The following RIOK1 variants were observed in gnomAD, a reference collection of about 807,000 sequenced individuals.
The protein encoded by RIOK1 is serine/threonine-protein kinase RIO1.
RIOK1 carries 66 observed loss-of-function variants against 73.5 expected under a neutral mutation model. The ratio of observed to expected loss-of-function variants is 0.90; its 90% confidence interval spans 0.74 to 1.10. RIOK1 has a LOEUF of 1.10. Among genes scored for constraint, RIOK1 ranks in the 50% least tolerant of loss-of-function variants. The pLI, the probability that RIOK1 is intolerant of heterozygous loss-of-function variation, is 0.00. For synonymous variants in RIOK1, 224 were observed against 226.8 expected, an observed-to-expected ratio of 0.99 and a Z score of 0.11; for missense variants, 658 against 699.8, an observed-to-expected ratio of 0.94 and a Z score of 0.67.
In RIOK1 at chr6:7,405,042, T is replaced by C. The variant is rs772151822; in HGVS notation, c.1096+21T>C. ...CAATGGTGAGTAGAAACGGCAATTT[T>C]CGAAACAGCTCATTGGTCTGTTTTG... On this transcript the variant is annotated intron_variant, in intron 11 of 16. Transcript: ENST00000379834. 2.5e-5 allele frequency: 40 copies of C among 1,576,978 alleles called. No homozygotes were observed. The Admixed American group carries it at 3.7e-4, about 15-fold the overall frequency.
intron 12 of RIOK1, among the ~76,000 whole-genome samples, chr6:7,406,955 C>A (rs1025850301): frequency 1.3e-5 from 2 of 152,236 alleles, no homozygotes; most frequent in South Asian, 2.1e-4. Context: ...AGTCACCACG[C>A]CTGGCCTAGG....
At chr6:7,406,792 C>G (rs943797905) in intron 12 of RIOK1, among the ~76,000 whole-genome samples, 1 of 152,144 alleles carries the variant, frequency 6.6e-6, no homozygotes, top group South Asian at 2.1e-4. Context: ...CCCTGAGTAG[C>G]TGGGACTACA....
chr6:7,414,422 A>G (rs777746843), intron 16 of RIOK1, 32 bp downstream of exon 16: 64 of 1,578,090 alleles, frequency 4.1e-5, no homozygotes, highest in Non-Finnish European at 5.3e-5. Flanking sequence ...CCTTTTCTTT[A>G]GTGTGGGAGC....
intron 11 of RIOK1, 28 bp from the exon 12 acceptor site, chr6:7,405,221 C>T: frequency 7.1e-7 from 1 of 1,408,556 alleles, no homozygotes; most frequent in African/African-American, 1.4e-5. Context: ...CTCATAAAAG[C>T]TGTCATTAAC....
At position 7,403,991 on chromosome 6, in the gene RIOK1, A is replaced by C; in HGVS notation, c.818A>C (p.His273Pro). Residue 273 changes from histidine (H) to proline (P), a missense_variant, in exon 9 of 17, where the codon CAT (histidine) becomes CCT (proline). Coordinates refer to ENST00000379834, the MANE Select transcript of RIOK1 (RefSeq NM_031480.3). ...CCAGAACCAATAATGCTAAGAAGTC[A>C]TGTTCTTGTCATGAGTTTCATCGGT... ...PCPEPIMLRS[H>P]VLVMSFIGKD... The C allele has an allele frequency of 6.2e-7, 1 of 1,612,636 alleles. No homozygotes were observed. The highest frequency in any genetic ancestry group is 2.2e-5 in the East Asian group (1 of 44,770).
intron 5 of RIOK1, among the ~76,000 whole-genome samples, chr6:7,399,081 G>T (rs1186373210): frequency 6.6e-6 from 1 of 152,192 alleles, no homozygotes; most frequent in African/African-American, 2.4e-5. Flanking sequence ...CACAAAGCAG[G>T]AAGTGTGGGT....
intron 3 of RIOK1, 76 bp from the exon 4 acceptor site, chr6:7,396,627 A>G: frequency 2.5e-6 from 2 of 786,182 alleles, no homozygotes; most frequent in Non-Finnish European, 4.3e-6. Context: ...AGAGGGGAGA[A>G]ATACCCTGTT....
chr6:7,396,956 G>A (rs1185076095), intron 4 of RIOK1, among the ~76,000 whole-genome samples, 184 bp downstream of exon 4: 1 of 151,766 alleles, frequency 6.6e-6, no homozygotes, highest in African/African-American at 2.4e-5. Flanking sequence ...CTATGCCTTT[G>A]TGAATTAAAA....
At chr6:7,408,709 CTTTCTT>C (rs1171236493) in intron 12 of RIOK1, among the ~76,000 whole-genome samples, 12 of 151,450 alleles carry the variant, frequency 7.9e-5, no homozygotes, top group Non-Finnish European at 1.3e-4. Context: ...TTAGCACTGA[CTTTCTT>C]TTTCTTTTTC....
intron 5 of RIOK1, among the ~76,000 whole-genome samples, chr6:7,399,681 C>T (rs774732286): frequency 6.6e-6 from 1 of 152,128 alleles, no homozygotes; most frequent in African/African-American, 2.4e-5. Flanking sequence ...TTCCTATGCC[C>T]CTGACTTGTC....
At chr6:7,413,859 T>G (rs1311686388) in intron 15 of RIOK1, among the ~76,000 whole-genome samples, 1 of 152,238 alleles carries the variant, frequency 6.6e-6, no homozygotes, top group Admixed American at 6.5e-5. Context: ...AGAAATGTGG[T>G]TCACAGGAAA....
intron 1 of RIOK1, among the ~76,000 whole-genome samples, chr6:7,391,929 G>A (rs1761352464): frequency 6.6e-6 from 1 of 152,110 alleles, no homozygotes. Flanking sequence ...ACATGTCCAC[G>A]GGGAACCCTC....
intron 2 of RIOK1, among the ~76,000 whole-genome samples, chr6:7,394,188 C>T (rs1761413257): frequency 6.6e-6 from 1 of 152,208 alleles, no homozygotes; most frequent in African/African-American, 2.4e-5. Context: ...AATCCCAGCA[C>T]TTTGGGAGGC....
Position 7,410,409 on chromosome 6 carries a change from G to A in RIOK1, c.1227G>A (p.Arg409=), listed in dbSNP as rs574345533. 31 of 1,612,866 alleles carry A rather than the reference G, an allele frequency of 1.9e-5. 1 individual carries two copies. In the South Asian group the frequency reaches 3.4e-4, roughly 18 times the overall value. Reference sequence around the variant, plus strand: ...AGGCCATGGAAATAGCATCTCAAAGGACCAAGGAAGAACGGTCTAGCCAAG... The same window carrying A: ...AGGCCATGGAAATAGCATCTCAAAGAACCAAGGAAGAACGGTCTAGCCAAG... ...LSKAMEIASQ[R]TKEERSSQDH... Residue 409 remains arginine, a synonymous_variant, in exon 13 of 17, where the codon AGG becomes AGA. Transcript: ENST00000379834.
At chr6:7,392,787 G>A in intron 1 of RIOK1, 1 of 231,254 alleles carries the variant, frequency 4.3e-6, no homozygotes, top group South Asian at 1.6e-4. Context: ...TGGTATACTG[G>A]TCTGAGTTGT....
At chr6:7,413,404 A>G (rs1761931568) in intron 15 of RIOK1, among the ~76,000 whole-genome samples, 1 of 152,168 alleles carries the variant, frequency 6.6e-6, no homozygotes, top group Admixed American at 6.5e-5. Context: ...TCTTAAAACA[A>G]TCTTGTTTTG....
In RIOK1 at chr6:7,393,279, C is replaced by T; in HGVS notation, c.252C>T (p.Val84=). ...EGVGKLAKGY[V]WNGGSNPQAN... is the part of the protein sequence containing the mutation. ...TTGGAAAACTCGCCAAGGGTTATGT[C>T]TGGAATGGAGGAAGCAACCCACAGG... The change falls in exon 2 of 17, where the codon GTC becomes GTT. Residue 84 remains valine, a synonymous_variant. Transcript: ENST00000379834. The T allele has an allele frequency of 1.2e-6, 2 of 1,614,048 alleles. No individual in the cohort carries two copies. The highest frequency in any genetic ancestry group is 1.7e-6 in the Non-Finnish European group (2 of 1,179,974).
intron 3 of RIOK1, among the ~76,000 whole-genome samples, chr6:7,396,479 A>G (rs1445627731): frequency 1.3e-5 from 2 of 152,230 alleles, no homozygotes; most frequent in Non-Finnish European, 2.9e-5. Context: ...TGGCTCAAAT[A>G]TTATAGCTGT....
chr6:7,404,505 G>A lies in RIOK1; in HGVS notation c.942G>A (p.Met314Ile), dbSNP rs78123723. 5.2e-4 allele frequency: 837 copies of A among 1,614,152 alleles called. 5 individuals carry two copies. In the African/African-American group the frequency reaches 9.9e-3, roughly 19 times the overall value. Reference sequence around the variant, plus strand: ...AGGTCATTCAGTACATGAGAAGAATGTATCAGGATGCCAGACTTGTCCATG... The same window carrying A: ...AGGTCATTCAGTACATGAGAAGAATATATCAGGATGCCAGACTTGTCCATG... ...YLQVIQYMRR[M>I]YQDARLVHAD... Residue 314 changes from methionine to isoleucine, a missense_variant, in exon 10 of 17, where the codon ATG becomes ATA. Met to Ile is a conservative substitution (Grantham distance 10). Coordinates refer to ENST00000379834, the MANE Select transcript of RIOK1 (RefSeq NM_031480.3).
Sources: gnomAD v4.1 joint callset for allele counts (sites outside exome capture counted in the v4.1 genomes callset) on GRCh38, gnomAD v4.1.1 for gene constraint, MANE v1.5 for transcripts, NCBI Gene and HGNC (gene_info 2026-07-23, HGNC 2026-07-21) for gene names.